PSMB7: variants seen among roughly 807,000 people sequenced by gnomAD.
The protein encoded by PSMB7 is proteasome 20S subunit beta 7, also known as proteasome subunit beta type-7.
PSMB7 carries 5 observed loss-of-function variants against 28.1 expected under a neutral mutation model. That is an observed-to-expected ratio of 0.18 (90% CI 0.09 to 0.37). PSMB7 has a LOEUF of 0.37. Ranked by LOEUF, PSMB7 falls within the 10% of genes least tolerant of loss-of-function variation. The pLI, the probability that PSMB7 is intolerant of heterozygous loss-of-function variation, is 1.00. For missense variants in PSMB7, 275 were observed against 346.2 expected, an observed-to-expected ratio of 0.79 and a Z score of 1.63; for synonymous variants, 122 against 123.7, an observed-to-expected ratio of 0.99 and a Z score of 0.09.
intron 5 of PSMB7, among the ~76,000 whole-genome samples, chr9:124,389,509 A>T (rs192068501): frequency 4.3e-4 from 66 of 152,204 alleles, no homozygotes; most frequent in Non-Finnish European, 8.5e-4. Flanking sequence ...GTCCCCTCAG[A>T]CTGACCTCCT....
chr9:124,381,383 ATT>A (rs1830662998), intron 6 of PSMB7, among the ~76,000 whole-genome samples: 8 of 152,208 alleles, frequency 5.3e-5, no homozygotes, highest in Admixed American at 4.6e-4. Flanking sequence ...ACAATTTGTT[ATT>A]ACAACAGCCT....
At chr9:124,374,579 ACT>A (rs1830590744) in intron 6 of PSMB7, among the ~76,000 whole-genome samples, 1 of 152,236 alleles carries the variant, frequency 6.6e-6, no homozygotes, top group South Asian at 2.1e-4. Context: ...AATTTCAGCT[ACT>A]GAGGAGGCTG....
At chr9:124,415,226 C>T in intron 1 of PSMB7, 138 bp downstream of exon 1, 7 of 966,984 alleles carry the variant, frequency 7.2e-6, no homozygotes, top group South Asian at 3.0e-5. Flanking sequence ...CCTGATTCCC[C>T]TGAGTCACAC....
intron 5 of PSMB7, among the ~76,000 whole-genome samples, chr9:124,399,758 G>T (rs912881789): frequency 6.6e-6 from 1 of 152,110 alleles, no homozygotes; most frequent in Non-Finnish European, 1.5e-5. Context: ...TGTCTGAGAG[G>T]TCTCTGTAAT....
chr9:124,356,606 A>G lies in PSMB7; in HGVS notation c.722+158T>C, dbSNP rs953106637. On this transcript the variant is annotated intron_variant, in intron 7 of 7. Coordinates refer to ENST00000259457, the MANE Select transcript of PSMB7 (RefSeq NM_002799.4). This position sits in a 1 kb window ranked among gnomAD's most constrained non-coding sequence, Gnocchi z 4.4. The stretch of plus-strand genomic sequence containing the variant: ...TGACAGCAGCCCACTGTCATAAAGC[A>G]AGTAACAAGCCGAAGGTCTGTGTGG... Among the ~76,000 whole-genome samples the G allele has an allele frequency of 1.3e-5, 2 of 152,152 alleles. No individual in the cohort carries two copies. Among genetic ancestry groups the G allele is most frequent in the Admixed American group, 6.5e-5 (1 of 15,280 alleles).
Position 124,360,087 on chromosome 9 carries a change from T to C in PSMB7, c.571-3172A>G, listed in dbSNP as rs1366933315. ...ACTGTCTCTGACTACAGTATTTCCATACACAGAATTCTAGACACGTATGCA... is the reference window on the plus strand; with the variant it reads ...ACTGTCTCTGACTACAGTATTTCCACACACAGAATTCTAGACACGTATGCA... On this transcript the variant is annotated intron_variant, in intron 6 of 7. Coordinates refer to ENST00000259457, the MANE Select transcript of PSMB7 (RefSeq NM_002799.4). Among the ~76,000 whole-genome samples the C allele has an allele frequency of 2.0e-5, 3 of 152,348 alleles. No individual in the cohort carries two copies. The East Asian group carries it at 5.8e-4, about 29-fold the overall frequency.
At chr9:124,380,094 A>G (rs113791222) in intron 6 of PSMB7, among the ~76,000 whole-genome samples, 3 of 152,232 alleles carry the variant, frequency 2.0e-5, no homozygotes, top group Admixed American at 2.0e-4. Context: ...AAGCAGCAAC[A>G]GGGTACTGCT....
intron 5 of PSMB7, among the ~76,000 whole-genome samples, chr9:124,402,216 C>T (rs1008461832): frequency 6.6e-6 from 1 of 152,148 alleles, no homozygotes; most frequent in Non-Finnish European, 1.5e-5. Flanking sequence ...GTGGACCCAT[C>T]ACCCGGAACT....
intron 4 of PSMB7, among the ~76,000 whole-genome samples, chr9:124,408,337 T>A (rs775779997): frequency 1.3e-5 from 2 of 152,182 alleles, no homozygotes; most frequent in Non-Finnish European, 2.9e-5. Flanking sequence ...GAATACAGGC[T>A]AAGGAATTAA....
Position 124,359,952 on chromosome 9 carries a change from C to T in PSMB7, c.571-3037G>A, listed in dbSNP as rs190940639. Reference sequence around the variant, plus strand: ...CCCCAAACCCTCATAATCAAAACAGCGTGGAAATGACCAAAGGCTCTACTG... The same window carrying T: ...CCCCAAACCCTCATAATCAAAACAGTGTGGAAATGACCAAAGGCTCTACTG... On this transcript the variant is annotated intron_variant, in intron 6 of 7. Coordinates refer to ENST00000259457, the MANE Select transcript of PSMB7 (RefSeq NM_002799.4). 3.1e-3 allele frequency among the ~76,000 whole-genome samples: 470 copies of T among 152,266 alleles called. 2 individuals are homozygous for T. Among genetic ancestry groups the T allele is most frequent in the African/African-American group, 0.011 (451 of 41,536 alleles).
In PSMB7 at chr9:124,356,946, C is replaced by T. The variant is rs761995568; in HGVS notation, c.571-31G>A. The stretch of plus-strand genomic sequence containing the variant: ...AAACAGAACGGCGGCAATAATGTCC[C>T]CGGCCAAACTAGGGCCTGCTCTGAC... On this transcript the variant is annotated intron_variant, in intron 6 of 7. Coordinates refer to ENST00000259457, the MANE Select transcript of PSMB7 (RefSeq NM_002799.4). This position sits in a 1 kb window ranked among gnomAD's most constrained non-coding sequence, Gnocchi z 4.4. The T allele has an allele frequency of 1.2e-6, 2 of 1,613,098 alleles. No homozygotes were observed. Among genetic ancestry groups the T allele is most frequent in the East Asian group, 2.2e-5 (1 of 44,874 alleles).
chr9:124,370,679 C>G (rs920707867), intron 6 of PSMB7, among the ~76,000 whole-genome samples: 1 of 152,156 alleles, frequency 6.6e-6, no homozygotes, highest in Admixed American at 6.5e-5. Flanking sequence ...TAAAACCTTC[C>G]AGCCTGTGAA....
At chr9:124,401,728 A>G (rs1272640717) in intron 5 of PSMB7, among the ~76,000 whole-genome samples, 1 of 152,192 alleles carries the variant, frequency 6.6e-6, no homozygotes, top group Non-Finnish European at 1.5e-5. Context: ...CACTCACTAA[A>G]GAGCTGATGA....
At chr9:124,404,374 G>T (rs9792535) in intron 5 of PSMB7, among the ~76,000 whole-genome samples, 9,850 of 152,240 alleles carry the variant, frequency 0.065, 930 homozygotes, top group East Asian at 0.45. Flanking sequence ...AGTATCTTGT[G>T]TAACTATAGT....
chr9:124,362,014 A>G (rs953262519), intron 6 of PSMB7, among the ~76,000 whole-genome samples: 3 of 152,204 alleles, frequency 2.0e-5, no homozygotes, highest in Non-Finnish European at 4.4e-5. Context: ...CTCTTTAAAT[A>G]CACCCTCTTC....
intron 7 of PSMB7, among the ~76,000 whole-genome samples, chr9:124,355,830 C>T (rs905681966): frequency 3.3e-5 from 5 of 152,298 alleles, no homozygotes; most frequent in Middle Eastern, 3.4e-3. Flanking sequence ...ACTGAGCTTC[C>T]GCAAGGTTGA....
At chr9:124,394,654 T>G (rs554311790) in intron 5 of PSMB7, among the ~76,000 whole-genome samples, 7 of 152,306 alleles carry the variant, frequency 4.6e-5, no homozygotes, top group Admixed American at 4.6e-4. Context: ...GTTTAATATT[T>G]TTTTACACAG....
Position 124,393,235 on chromosome 9 carries a change from C to T in PSMB7, c.512-8579G>A, listed in dbSNP as rs1830808416. 2.0e-5 allele frequency among the ~76,000 whole-genome samples: 3 copies of T among 152,296 alleles called. No individual in the cohort carries two copies. The South Asian group carries it at 6.2e-4, about 32-fold the overall frequency. On this transcript the variant is annotated intron_variant, in intron 5 of 7. Transcript: ENST00000259457. ...ACCTCTCACTGCTCGGTAAAACAGACGCAGGCTTTAAATGGTTTAATTGTA... is the reference window on the plus strand; with the variant it reads ...ACCTCTCACTGCTCGGTAAAACAGATGCAGGCTTTAAATGGTTTAATTGTA...
intron 6 of PSMB7, among the ~76,000 whole-genome samples, chr9:124,362,217 A>G (rs1830470394): frequency 6.6e-6 from 1 of 152,266 alleles, no homozygotes; most frequent in Non-Finnish European, 1.5e-5. Flanking sequence ...ATTTAAAAAG[A>G]AATAAAATTG....
Sources: allele counts gnomAD v4.1 joint callset (sites outside exome capture counted in the v4.1 genomes callset), GRCh38; gene constraint gnomAD v4.1.1; non-coding constraint Gnocchi (gnomAD v3.1); transcripts MANE v1.5; gene names NCBI Gene and HGNC (gene_info 2026-07-23, HGNC 2026-07-21).